Variants in ROR1 observed in about 807,000 individuals in gnomAD.
The protein encoded by ROR1 is ROR family WNT receptor 1.
Under a neutral mutation model 78.8 loss-of-function variants are expected in ROR1, and 19 were observed. The observed-to-expected ratio is 0.24, with a 90% CI of 0.17 to 0.35. ROR1 has a LOEUF of 0.35. Among genes scored for constraint, ROR1 ranks in the 10% least tolerant of loss-of-function variants. The pLI is 1.00. For synonymous variants in ROR1, 386 were observed against 433.6 expected (o/e 0.89, Z 1.36); for missense variants, 917 against 1,177.8 (o/e 0.78, Z 3.24).
At chr1:63,976,888 C>A (rs1262300251) in intron 1 of ROR1, among the ~76,000 whole-genome samples, 1 of 152,094 alleles carries the variant, frequency 6.6e-6, no homozygotes, top group Non-Finnish European at 1.5e-5. Flanking sequence ...TATATTAGTC[C>A]ATTCTCACAC....
intron 1 of ROR1, among the ~76,000 whole-genome samples, chr1:63,997,537 C>G (rs977873682): frequency 5.3e-5 from 8 of 152,218 alleles, no homozygotes; most frequent in Non-Finnish European, 7.4e-5. Flanking sequence ...GGCTAACTCC[C>G]TTTCCCCTAG....
chr1:63,875,973 G>C (rs1036826849), intron 1 of ROR1, among the ~76,000 whole-genome samples: 2 of 152,098 alleles, frequency 1.3e-5, no homozygotes, highest in African/African-American at 4.8e-5. Flanking sequence ...GAGTTTTGAG[G>C]TTGTTGAGAA....
chr1:64,074,167 C>A (rs1647030537), intron 4 of ROR1, among the ~76,000 whole-genome samples: 1 of 152,158 alleles, frequency 6.6e-6, no homozygotes, highest in Non-Finnish European at 1.5e-5. Context: ...GGAGCTGACC[C>A]TTACCTAAAT....
chr1:63,999,023 C>T (rs285376), intron 1 of ROR1, among the ~76,000 whole-genome samples: 106,846 of 152,118 alleles, frequency 0.7, 39,923 homozygotes, highest in East Asian at 0.94. Flanking sequence ...TCCATGATTG[C>T]GAGGCCTCTC....
chr1:63,831,009 C>T (rs1335642328), intron 1 of ROR1, among the ~76,000 whole-genome samples: 1 of 152,220 alleles, frequency 6.6e-6, no homozygotes, highest in Non-Finnish European at 1.5e-5. Flanking sequence ...AAAATAATCT[C>T]CTTTGACTCT....
At chr1:63,900,315 A>G (rs899799730) in intron 1 of ROR1, among the ~76,000 whole-genome samples, 14 of 152,122 alleles carry the variant, frequency 9.2e-5, no homozygotes, top group African/African-American at 3.1e-4. Context: ...TTAGTTGGGT[A>G]TGGTGGCAGG....
At chr1:63,826,363 G>T (rs1189208425) in intron 1 of ROR1, among the ~76,000 whole-genome samples, 1 of 152,064 alleles carries the variant, frequency 6.6e-6, no homozygotes, top group East Asian at 1.9e-4. Flanking sequence ...CTATTCCTGA[G>T]TTAGTTGGCT....
chr1:64,060,430 T>G (rs192783454), intron 4 of ROR1, among the ~76,000 whole-genome samples: 1 of 152,354 alleles, frequency 6.6e-6, no homozygotes, highest in African/African-American at 2.4e-5. Flanking sequence ...GGCCTTTGGC[T>G]GAAGTCTCCT....
intron 4 of ROR1, among the ~76,000 whole-genome samples, chr1:64,083,278 C>T (rs1195056894): frequency 1.3e-5 from 2 of 152,094 alleles, no homozygotes; most frequent in South Asian, 2.1e-4. Flanking sequence ...ATAATCAGCG[C>T]AGATGTCATC....
chr1:63,857,193 G>A (rs1217989961), intron 1 of ROR1, among the ~76,000 whole-genome samples: 2 of 149,476 alleles, frequency 1.3e-5, no homozygotes, highest in Non-Finnish European at 3.0e-5. Flanking sequence ...GATTAGATAT[G>A]CATCTTCATA....
chr1:63,900,081 A>G (rs766073821), intron 1 of ROR1, among the ~76,000 whole-genome samples: 1 of 152,110 alleles, frequency 6.6e-6, no homozygotes, highest in Non-Finnish European at 1.5e-5. Flanking sequence ...TTTACTTTTT[A>G]TACTAATTTT....
At position 63,779,548 on chromosome 1, in the gene ROR1, G is replaced by A. The variant is rs569745647; in HGVS notation, c.91+5040G>A. ...GGGGAGGGGATGGGGGCAACTCTTCGAAAATCCTTAACTAAATGCAGCTGC... is the reference window on the plus strand; with the variant it reads ...GGGGAGGGGATGGGGGCAACTCTTCAAAAATCCTTAACTAAATGCAGCTGC... On this transcript the variant is annotated intron_variant, in intron 1 of 8. Transcript: ENST00000371079. 1.1e-4 allele frequency among the ~76,000 whole-genome samples: 16 copies of A among 152,226 alleles called. 1 individual carries two copies. The South Asian group carries it at 3.3e-3, about 32-fold the overall frequency.
intron 4 of ROR1, among the ~76,000 whole-genome samples, chr1:64,107,351 G>A (rs1647865355): frequency 6.6e-6 from 1 of 152,142 alleles, no homozygotes; most frequent in East Asian, 1.9e-4. Context: ...TAACCACAAA[G>A]CTCTCTGTCA....
rs551499343 is a variant in ROR1, at chr1:63,877,773, A to G, written c.91+103265A>G. On this transcript the variant is annotated intron_variant, in intron 1 of 8. Transcript: ENST00000371079. Reference sequence around the variant, plus strand: ...AAGAGGAAAATTTATCAGCTCCTATATATTTATTAGACATTTTGGGGGGGA... The same window carrying G: ...AAGAGGAAAATTTATCAGCTCCTATGTATTTATTAGACATTTTGGGGGGGA... Among the ~76,000 whole-genome samples, 11 of 152,302 alleles carry G rather than the reference A, an allele frequency of 7.2e-5. No homozygotes were observed. In the South Asian group the frequency reaches 1.5e-3, roughly 20 times the overall value.
intron 4 of ROR1, among the ~76,000 whole-genome samples, chr1:64,085,840 T>A (rs1194795401): frequency 6.6e-6 from 1 of 152,156 alleles, no homozygotes; most frequent in Admixed American, 6.6e-5. Context: ...CTTGGCCATA[T>A]AAAACAGAAA....
intron 1 of ROR1, among the ~76,000 whole-genome samples, chr1:63,881,901 A>G (rs1246852264): frequency 6.6e-6 from 1 of 152,186 alleles, no homozygotes; most frequent in East Asian, 1.9e-4. Context: ...ATTGATTAGA[A>G]CAATCTTCCT....
intron 4 of ROR1, among the ~76,000 whole-genome samples, chr1:64,084,853 G>C (rs552074100): frequency 1.2e-4 from 19 of 152,196 alleles, no homozygotes; most frequent in Non-Finnish European, 2.5e-4. Flanking sequence ...GCAGTGGGCT[G>C]TGCAGGTGTG....
intron 1 of ROR1, among the ~76,000 whole-genome samples, chr1:63,809,130 A>C (rs1050141913): frequency 7.2e-5 from 11 of 152,172 alleles, no homozygotes; most frequent in African/African-American, 2.4e-4. Context: ...AAGGCATGGC[A>C]ATCCCATAGT....
At chr1:64,168,326 T>G (rs1178958977) in intron 8 of ROR1, among the ~76,000 whole-genome samples, 1 of 152,218 alleles carries the variant, frequency 6.6e-6, no homozygotes, top group African/African-American at 2.4e-5. Context: ...TGAAAGGAGC[T>G]AATATGTGTA....
Sources: gnomAD v4.1 joint callset for allele counts (sites outside exome capture counted in the v4.1 genomes callset) on GRCh38, gnomAD v4.1.1 for gene constraint, MANE v1.5 for transcripts, NCBI Gene and HGNC (gene_info 2026-07-23, HGNC 2026-07-21) for gene names.